The following ADAM2 variants were observed in gnomAD, a reference collection of about 807,000 sequenced individuals.
ADAM2 encodes disintegrin and metalloproteinase domain-containing protein 2.
Under a neutral mutation model 99.3 loss-of-function variants are expected in ADAM2, and 101 were observed. The observed-to-expected ratio is 1.02, with a 90% CI of 0.87 to 1.20. ADAM2 has a LOEUF of 1.20. Ranked by LOEUF, ADAM2 falls within the 50% of genes most tolerant of loss-of-function variation. ADAM2 has a pLI of 0.00. For synonymous variants in ADAM2, 323 were observed against 287.6 expected, an observed-to-expected ratio of 1.12 and a Z score of -1.25; for missense variants, 948 against 878.7, an observed-to-expected ratio of 1.08 and a Z score of -1.00.
intron 7 of ADAM2, among the ~76,000 whole-genome samples, chr8:39,792,466 T>C (rs1320993382): frequency 2.0e-5 from 3 of 152,066 alleles, no homozygotes; most frequent in Non-Finnish European, 4.4e-5. Context: ...GTAAGACTGA[T>C]GAAACCCCTA....
chr8:39,791,302 T>C (rs746489889), intron 7 of ADAM2, among the ~76,000 whole-genome samples: 16 of 152,052 alleles, frequency 1.1e-4, no homozygotes, highest in Admixed American at 2.0e-4. Flanking sequence ...ATATAAAGAA[T>C]GTAGCCTGAT....
At chr8:39,838,039 G>T (rs1054499911) in intron 1 of ADAM2, 92 bp downstream of exon 1, 4 of 1,403,666 alleles carry the variant, frequency 2.8e-6, no homozygotes, top group Non-Finnish European at 4.0e-6. Flanking sequence ...CCTCAGGAAA[G>T]CATCCTCCCA....
intron 6 of ADAM2, among the ~76,000 whole-genome samples, chr8:39,813,863 C>T (rs1323117857): frequency 3.3e-5 from 5 of 151,816 alleles, no homozygotes; most frequent in Non-Finnish European, 5.9e-5. Flanking sequence ...CACGTGTATA[C>T]ATATGGAAGA....
intron 7 of ADAM2, among the ~76,000 whole-genome samples, chr8:39,797,452 C>T (rs1430131356): frequency 6.6e-6 from 1 of 152,106 alleles, no homozygotes; most frequent in African/African-American, 2.4e-5. Context: ...TTACTGTAGC[C>T]TTGTAGTATG....
At chr8:39,745,236 G>A (rs982353476) in intron 19 of ADAM2, among the ~76,000 whole-genome samples, 1 of 152,014 alleles carries the variant, frequency 6.6e-6, no homozygotes, top group Non-Finnish European at 1.5e-5. Context: ...TACTAGCTAT[G>A]CTTTTTTCCC....
intron 7 of ADAM2, among the ~76,000 whole-genome samples, chr8:39,806,051 A>T (rs999973313): frequency 6.6e-6 from 1 of 152,166 alleles, no homozygotes; most frequent in African/African-American, 2.4e-5. Flanking sequence ...AGTAGAGGAG[A>T]TGGGAGTAAG....
intron 4 of ADAM2, among the ~76,000 whole-genome samples, chr8:39,823,021 C>T (rs1805261181): frequency 1.3e-5 from 2 of 152,154 alleles, no homozygotes; most frequent in Admixed American, 1.3e-4. Flanking sequence ...CCCGCGTTGG[C>T]CTCCCAAAGT....
intron 18 of ADAM2, among the ~76,000 whole-genome samples, chr8:39,748,495 A>T (rs1157473098): frequency 2.0e-5 from 3 of 152,202 alleles, no homozygotes; most frequent in Non-Finnish European, 4.4e-5. Flanking sequence ...CAGATACTGG[A>T]ATTAATAACT....
rs796998665 is a variant in ADAM2 at position 39,752,155 on chromosome 8, A to G, written c.1798-2411T>C. 1.1e-4 allele frequency among the ~76,000 whole-genome samples: 17 copies of G among 152,212 alleles called. 1 individual carries two copies. Among genetic ancestry groups the G allele is most frequent in the African/African-American group, 4.1e-4 (17 of 41,528 alleles). On this transcript the variant is annotated intron_variant, in intron 16 of 20. Coordinates refer to ENST00000265708, the MANE Select transcript of ADAM2 (RefSeq NM_001464.5). ...AAAAGCAACCAAAACTGAAGGCAGC[A>G]CTCCTCCAGTGGCCACCAATGACCA...
chr8:39,784,486 T>A (rs1297922909), intron 10 of ADAM2, among the ~76,000 whole-genome samples: 1 of 152,116 alleles, frequency 6.6e-6, no homozygotes, highest in Admixed American at 6.5e-5. Context: ...GCTCAAGTGA[T>A]CCTCCTACCT....
chr8:39,809,113 A>G (rs548975738), intron 7 of ADAM2, among the ~76,000 whole-genome samples: 1 of 152,284 alleles, frequency 6.6e-6, no homozygotes, highest in South Asian at 2.1e-4. Flanking sequence ...AATGTCAAGC[A>G]TTATTTTTAA....
intron 11 of ADAM2, among the ~76,000 whole-genome samples, chr8:39,775,130 G>A (rs777104219): frequency 4.2e-4 from 64 of 152,236 alleles, no homozygotes; most frequent in African/African-American, 7.5e-4. Flanking sequence ...CAGGAATCTG[G>A]TGTTTCACTA....
chr8:39,772,121 A>AAG (rs899493663), intron 11 of ADAM2, among the ~76,000 whole-genome samples: 3 of 151,510 alleles, frequency 2.0e-5, no homozygotes, highest in African/African-American at 7.3e-5. Context: ...AAAAAAAAAA[A>AAG]AAAGAAAAGA....
At chr8:39,772,802 C>T (rs1802834921) in intron 11 of ADAM2, among the ~76,000 whole-genome samples, 1 of 151,708 alleles carries the variant, frequency 6.6e-6, no homozygotes, top group South Asian at 2.1e-4. Flanking sequence ...TTCCTTAATC[C>T]ATAATCAAAA....
chr8:39,783,874 C>A (rs1444245016), intron 10 of ADAM2, among the ~76,000 whole-genome samples: 1 of 152,004 alleles, frequency 6.6e-6, no homozygotes, highest in Non-Finnish European at 1.5e-5. Context: ...ATCGCTTGAA[C>A]CTGGGAGGCG....
In ADAM2 at chr8:39,838,166, A is replaced by G. The variant is rs1194083667; in HGVS notation, c.20T>C (p.Leu7Pro). ...CCGCAGCCCGCCGAGCCCGCTGAGC[A>G]GAAACAAGACGCGCCACATGGCTTG... MWRVLF[L>P]LSGLGGLRMD... Residue 7 changes from leucine (L) to proline (P), a missense_variant, in exon 1 of 21, where the codon CTG (leucine) becomes CCG (proline). By Grantham distance (98) the Leu-to-Pro change is moderately conservative (BLOSUM62 -3). Coordinates refer to ENST00000265708, the MANE Select transcript of ADAM2 (RefSeq NM_001464.5). The G allele has an allele frequency of 6.2e-7, 1 of 1,614,188 alleles. No homozygotes were observed. Among genetic ancestry groups the G allele is most frequent in the South Asian group, 1.1e-5 (1 of 91,084 alleles).
chr8:39,800,892 C>T (rs1000178366), intron 7 of ADAM2, among the ~76,000 whole-genome samples: 1 of 152,146 alleles, frequency 6.6e-6, no homozygotes, highest in African/African-American at 2.4e-5. Flanking sequence ...TTATGTTCCT[C>T]TCTAAACTGG....
At chr8:39,788,345 A>G (rs938814897) in intron 8 of ADAM2, 94 bp from the exon 9 acceptor site, 12 of 758,252 alleles carry the variant, frequency 1.6e-5, no homozygotes, top group Non-Finnish European at 2.2e-5. Flanking sequence ...TAAATATTAA[A>G]CAACTAAACT....
intron 7 of ADAM2, among the ~76,000 whole-genome samples, chr8:39,791,869 C>A (rs1319100771): frequency 6.6e-6 from 1 of 151,962 alleles, no homozygotes; most frequent in African/African-American, 2.4e-5. Context: ...CAGAGCCGAG[C>A]CACAACTTGA....
Sources: gnomAD v4.1 joint callset for allele counts (sites outside exome capture counted in the v4.1 genomes callset) on GRCh38, gnomAD v4.1.1 for gene constraint, MANE v1.5 for transcripts, NCBI Gene and HGNC (gene_info 2026-07-23, HGNC 2026-07-21) for gene names.